Variants in BCL9 observed in about 807,000 individuals in gnomAD.
BCL9 encodes B-cell CLL/lymphoma 9 protein.
Under a neutral mutation model 88.5 loss-of-function variants are expected in BCL9, and 25 were observed. That is an observed-to-expected ratio of 0.28 (90% CI 0.21 to 0.39). BCL9 has a LOEUF of 0.39. Among genes scored for constraint, BCL9 ranks in the 10% least tolerant of loss-of-function variants. The pLI is 1.00. For missense variants in BCL9, 1,817 were observed against 1,877.8 expected (o/e 0.97, Z 0.60); for synonymous variants, 711 against 673.3 (o/e 1.06, Z -0.87).
chr1:147,583,625 T>G (rs1466492544), intron 1 of BCL9, among the ~76,000 whole-genome samples: 3 of 152,052 alleles, frequency 2.0e-5, no homozygotes, highest in African/African-American at 7.2e-5. Context: ...CATACAGAAT[T>G]TTACATTTGT....
chr1:147,616,520 C>A (rs1325886896), intron 7 of BCL9, among the ~76,000 whole-genome samples: 1 of 152,182 alleles, frequency 6.6e-6, no homozygotes, highest in Non-Finnish European at 1.5e-5. Context: ...GTAATCCCAG[C>A]ACTTTGGGAG....
rs781864486 is a variant in BCL9 at position 147,620,270 on chromosome 1, G to C, written c.2115G>C (p.Arg705=). 6.2e-7 allele frequency: 1 copy of C among 1,614,214 alleles called. No homozygotes were observed. Among genetic ancestry groups the C allele is most frequent in the South Asian group, 1.1e-5 (1 of 91,082 alleles). Reference sequence around the variant, plus strand: ...TTCCCCCACAGATGGGCCCTGGTCGGGAACTTGAGTTTGGGATGGTTCCTA... The same window carrying C: ...TTCCCCCACAGATGGGCCCTGGTCGCGAACTTGAGTTTGGGATGGTTCCTA... The part of the protein sequence containing the change: ...KGIPPQMGPG[R]ELEFGMVPSG... Residue 705 remains arginine, a synonymous_variant, in exon 8 of 10, where the codon CGG becomes CGC. Transcript: ENST00000234739.
At position 147,619,567 on chromosome 1, in the gene BCL9, C is replaced by T. The variant is rs1658494304; in HGVS notation, c.1412C>T (p.Ala471Val). The change falls in exon 8 of 10, where the codon GCG becomes GTG. Residue 471 changes from alanine (A) to valine (V), a missense_variant. This residue lies in a region of BCL9 where 1,228 missense variants were observed against 1,191.6 expected (regional missense o/e 1.03). Transcript: ENST00000234739. The surrounding 1 kb of genome is among the most constrained non-coding windows in gnomAD (Gnocchi z 4.1). ...GACCATATGACTCCCGAGCAGATAG[C>T]GTGGCTGAAACTGCAGCAGGAGTTT... ...HLDHMTPEQI[A>V]WLKLQQEFYE... 4.3e-6 allele frequency: 7 copies of T among 1,614,020 alleles called. No homozygotes were observed. Among genetic ancestry groups the T allele is most frequent in the Admixed American group, 1.7e-5 (1 of 60,026 alleles).
Position 147,618,826 on chromosome 1 carries a change from T to C in BCL9, c.671T>C (p.Ile224Thr). 1 of 1,551,664 alleles carries C rather than the reference T, an allele frequency of 6.4e-7. No homozygotes were observed. The highest frequency in any genetic ancestry group is 8.7e-7 in the Non-Finnish European group (1 of 1,151,174). The change falls in exon 8 of 10, where the codon ATA (isoleucine) becomes ACA (threonine). Residue 224 changes from isoleucine (I) to threonine (T), a missense_variant. Physicochemically the swap from Ile to Thr is moderately conservative, Grantham distance 89. This residue lies in a region of BCL9 where 1,228 missense variants were observed against 1,191.6 expected (regional missense o/e 1.03). Coordinates refer to ENST00000234739, the MANE Select transcript of BCL9 (RefSeq NM_004326.4). ...ERSTAPLNTQ[I>T]SALRNDPKPL... The stretch of plus-strand genomic sequence containing the variant: ...TTTGTTTGTCTTCAGAACACACAGA[T>C]ATCTGCCCTTCGGAATGATCCGAAA...
Position 147,620,186 on chromosome 1 carries a change from C to T in BCL9, c.2031C>T (p.Phe677=). The change falls in exon 8 of 10, where the codon TTC becomes TTT. Residue 677 remains phenylalanine, a synonymous_variant. Transcript: ENST00000234739. The stretch of plus-strand genomic sequence containing the variant: ...TGGAGCCTGGGAATAACCCCATTTT[C>T]CCTCGAATACCAGTTGAGGGCCCTC... ...RHMEPGNNPI[F]PRIPVEGPLS... The T allele has an allele frequency of 6.2e-7, 1 of 1,614,088 alleles. No homozygotes were observed. The highest frequency in any genetic ancestry group is 1.1e-5 in the South Asian group (1 of 91,086).
rs200915171 is a variant in BCL9, at chr1:147,618,877, C to T, written c.722C>T (p.Pro241Leu). The T allele has an allele frequency of 1.2e-4, 193 of 1,607,860 alleles. No individual in the cohort carries two copies. The highest frequency in any genetic ancestry group is 1.7e-4 in the Middle Eastern group (1 of 6,028). ...CCTCTCCCACAACAGCCCCCAGCTC[C>T]GGCCAACCAGGACCAGAATTCTTCC... The part of the protein sequence containing the change: ...PKPLPQQPPA[P>L]ANQDQNSSQN... The change falls in exon 8 of 10, where the codon CCG (proline) becomes CTG (leucine). Residue 241 changes from proline to leucine, a missense_variant. This residue lies in a region of BCL9 where 1,228 missense variants were observed against 1,191.6 expected (regional missense o/e 1.03). Coordinates refer to ENST00000234739, the MANE Select transcript of BCL9 (RefSeq NM_004326.4).
intron 6 of BCL9, among the ~76,000 whole-genome samples, chr1:147,614,962 T>C (rs1658200222): frequency 6.6e-6 from 1 of 151,842 alleles, no homozygotes; most frequent in Admixed American, 6.6e-5. Context: ...CCTCAGCCTC[T>C]TGATTAGCTG....
In BCL9 at chr1:147,616,157, T is replaced by G. The variant is rs113595264; in HGVS notation, c.660+255T>G. Among the ~76,000 whole-genome samples, 842 of 152,314 alleles carry G rather than the reference T, an allele frequency of 5.5e-3. 10 individuals carry two copies. The highest frequency in any genetic ancestry group is 0.019 in the African/African-American group (788 of 41,566). On this transcript the variant is annotated intron_variant, in intron 7 of 9. Coordinates refer to ENST00000234739, the MANE Select transcript of BCL9 (RefSeq NM_004326.4). ...TAAAAGAGGAGCTATACAGATATCTTTGGGTTTCCTTCATGTAATCGTCTC... is the reference window on the plus strand; with the variant it reads ...TAAAAGAGGAGCTATACAGATATCTGTGGGTTTCCTTCATGTAATCGTCTC...
chr1:147,569,489 G>GA (rs1419442592), intron 1 of BCL9, among the ~76,000 whole-genome samples: 11 of 5,892 alleles, frequency 1.9e-3, no homozygotes, highest in South Asian at 0.012. Context: ...AAAAAAAAAA[G>GA]AAAGAAAAAA....
chr1:147,610,320 T>C (rs1175658756), intron 3 of BCL9, among the ~76,000 whole-genome samples: 1 of 152,204 alleles, frequency 6.6e-6, no homozygotes, highest in Non-Finnish European at 1.5e-5. Flanking sequence ...TCCTGACTTT[T>C]TTATTTAAAA....
Position 147,620,625 on chromosome 1 carries a change from C to A in BCL9, c.2470C>A (p.Pro824Thr), listed in dbSNP as rs782556552. The change falls in exon 8 of 10, where the codon CCT becomes ACT. Residue 824 changes from proline to threonine, a missense_variant. Pro to Thr is a conservative substitution (Grantham distance 38). This residue lies in a region of BCL9 where 1,228 missense variants were observed against 1,191.6 expected (regional missense o/e 1.03). Coordinates refer to ENST00000234739, the MANE Select transcript of BCL9 (RefSeq NM_004326.4). ...LSHMPPLPLNPSSNPTSLNTA... is the reference protein window; with the variant it reads ...LSHMPPLPLNTSSNPTSLNTA... ...TCATATGCCACCACTACCTCTCAAC[C>A]CTTCCAGTAACCCCACCAGCCTCAA... is the stretch of plus-strand genomic sequence containing the variant. 1 of 1,614,170 alleles carries A rather than the reference C, an allele frequency of 6.2e-7. No individual in the cohort carries two copies. The highest frequency in any genetic ancestry group is 8.5e-7 in the Non-Finnish European group (1 of 1,180,030).
chr1:147,587,799 G>A (rs1390393997), intron 1 of BCL9, among the ~76,000 whole-genome samples: 2 of 150,242 alleles, frequency 1.3e-5, no homozygotes, highest in African/African-American at 2.5e-5. Flanking sequence ...TGTGTGTGGT[G>A]TTTGATGGGG....
chr1:147,613,161 G>A lies in BCL9; in HGVS notation c.332G>A (p.Arg111Lys), dbSNP rs782130973. The A allele has an allele frequency of 9.9e-6, 16 of 1,614,084 alleles. No individual in the cohort carries two copies. The highest frequency in any genetic ancestry group is 1.4e-5 in the Non-Finnish European group (16 of 1,180,040). Residue 111 changes from arginine to lysine, a missense_variant, in exon 5 of 10, where the codon AGA becomes AAA. By Grantham distance (26) the Arg-to-Lys change is conservative (BLOSUM62 2). This residue lies in a region of BCL9 where 1,228 missense variants were observed against 1,191.6 expected (regional missense o/e 1.03). Coordinates refer to ENST00000234739, the MANE Select transcript of BCL9 (RefSeq NM_004326.4). ...RSISADSFDQ[R>K]DPGTPNDDSD... ...ATTTCCGCCGACTCCTTTGATCAGA[G>A]AGATCCTGGGACTCCAAACGATGAC...
intron 3 of BCL9, among the ~76,000 whole-genome samples, chr1:147,608,623 C>A (rs994725450): frequency 7.9e-5 from 12 of 152,084 alleles, no homozygotes; most frequent in African/African-American, 2.9e-4. Flanking sequence ...AAGTACTGGG[C>A]AAGTCCAGGT....
chr1:147,611,521 G>A, intron 3 of BCL9, 57 bp from the exon 4 acceptor site: 1 of 410,358 alleles, frequency 2.4e-6, no homozygotes. Flanking sequence ...CTGTTGTGAG[G>A]GTGTTTTATG....
rs587680300 is a variant in BCL9, at chr1:147,552,408, G to GACCA, written c.-478+10735_-478+10738dup. On this transcript the variant is annotated intron_variant, in intron 1 of 9. Coordinates refer to ENST00000234739, the MANE Select transcript of BCL9 (RefSeq NM_004326.4). ...GGAACAACTGAGGTCAGGAGTTCGA[G>GACCA]ACCACCCTGACCAACATGGAAACCC... Among the ~76,000 whole-genome samples the GACCA allele has an allele frequency of 4.4e-3, 663 of 152,222 alleles. 2 individuals are homozygous for GACCA. Among genetic ancestry groups the GACCA allele is most frequent in the African/African-American group, 0.015 (626 of 41,514 alleles).
intron 1 of BCL9, among the ~76,000 whole-genome samples, chr1:147,567,477 G>T (rs1305414826): frequency 2.0e-5 from 3 of 152,168 alleles, no homozygotes; most frequent in Admixed American, 2.0e-4. Flanking sequence ...CTTGGTATAT[G>T]CCTAAAGGAA....
chr1:147,622,913 C>A (rs758968020), intron 9 of BCL9, among the ~76,000 whole-genome samples: 1 of 151,584 alleles, frequency 6.6e-6, no homozygotes, highest in African/African-American at 2.4e-5. Flanking sequence ...CAGCCTCAAA[C>A]CACAAGCAGC....
intron 1 of BCL9, among the ~76,000 whole-genome samples, chr1:147,602,709 C>G (rs1657461306): frequency 6.6e-6 from 1 of 152,108 alleles, no homozygotes; most frequent in Admixed American, 6.5e-5. Context: ...GATAAAAGAA[C>G]AATTTCCATA....
Sources: gnomAD v4.1 joint callset for allele counts (sites outside exome capture counted in the v4.1 genomes callset) on GRCh38, gnomAD v4.1.1 for gene constraint, gnomAD v4.1.1 regional missense constraint, Gnocchi (gnomAD v3.1) non-coding constraint, MANE v1.5 for transcripts, NCBI Gene and HGNC (gene_info 2026-07-23, HGNC 2026-07-21) for gene names.